Variants in PAPSS2 observed in about 807,000 individuals in gnomAD.
PAPSS2 encodes 3'-phosphoadenosine 5'-phosphosulfate synthase 2.
A neutral mutation model predicts 66.5 loss-of-function variants in PAPSS2; 61 were observed. The ratio of observed to expected loss-of-function variants is 0.92; its 90% CI spans 0.75 to 1.14. The LOEUF (loss-of-function observed/expected upper bound fraction) is 1.14, where lower values mean the gene tolerates loss of function less well. Ranked by LOEUF, PAPSS2 falls within the 50% of genes most tolerant of loss-of-function variation. The pLI is 0.00. For synonymous variants in PAPSS2, 289 were observed against 287.5 expected, an observed-to-expected ratio of 1.01 and a Z score of -0.05; for missense variants, 708 against 789.6, an observed-to-expected ratio of 0.90 and a Z score of 1.24.
At chr10:87,736,138 A>G (rs1257400791) in intron 9 of PAPSS2, among the ~76,000 whole-genome samples, 2 of 152,154 alleles carry the variant, frequency 1.3e-5, no homozygotes, top group Non-Finnish European at 2.9e-5. Context: ...GATTGGCTGT[A>G]AGTATTTGTG....
At chr10:87,685,636 A>G (rs1334481501) in intron 1 of PAPSS2, among the ~76,000 whole-genome samples, 1 of 152,190 alleles carries the variant, frequency 6.6e-6, no homozygotes, top group Non-Finnish European at 1.5e-5. Flanking sequence ...GTGAGCCACA[A>G]TTGTACCACT....
chr10:87,736,061 T>C (rs1853794833), intron 9 of PAPSS2, among the ~76,000 whole-genome samples: 2 of 152,142 alleles, frequency 1.3e-5, no homozygotes, highest in Non-Finnish European at 2.9e-5. Context: ...TGGAAAGTGG[T>C]GAAAGGTACT....
chr10:87,738,145 C>T (rs1387407507), intron 9 of PAPSS2, among the ~76,000 whole-genome samples: 2 of 152,240 alleles, frequency 1.3e-5, no homozygotes, highest in Admixed American at 6.5e-5. Context: ...GGGTTGCTTC[C>T]ACCTCTTGGC....
Position 87,743,583 on chromosome 10 carries a change from C to G in PAPSS2, c.1433C>G (p.Pro478Arg). The G allele has an allele frequency of 6.2e-7, 1 of 1,614,146 alleles. No homozygotes were observed. Among genetic ancestry groups the G allele is most frequent in the Non-Finnish European group, 8.5e-7 (1 of 1,180,016 alleles). ...AAVLEEGVLD[P>R]KSTIVAIFPS... is the part of the protein sequence containing the mutation. ...GTGCTCGAGGAAGGGGTCCTGGATC[C>G]CAAGTCAACCATTGTTGCCATCTTT... The change falls in exon 11 of 13, where the codon CCC becomes CGC. Residue 478 changes from proline (P) to arginine (R), a missense_variant. Pro to Arg is a moderately radical substitution (Grantham distance 103). Transcript: ENST00000456849.
chr10:87,666,714 C>T (rs1440520831), intron 1 of PAPSS2, among the ~76,000 whole-genome samples: 2 of 151,868 alleles, frequency 1.3e-5, no homozygotes, highest in African/African-American at 2.4e-5. Context: ...ACCCTGAGGC[C>T]GTTTTGTTGC....
At chr10:87,705,212 A>G (rs1853368023) in intron 1 of PAPSS2, among the ~76,000 whole-genome samples, 1 of 152,204 alleles carries the variant, frequency 6.6e-6, no homozygotes, top group African/African-American at 2.4e-5. Context: ...TCTTTGACTC[A>G]GCCTAATGTT....
At chr10:87,725,673 G>A (rs749693550) in intron 8 of PAPSS2, among the ~76,000 whole-genome samples, 1 of 152,050 alleles carries the variant, frequency 6.6e-6, no homozygotes, top group Non-Finnish European at 1.5e-5. Context: ...AGGACTGCTC[G>A]TTTGGGATCC....
At chr10:87,689,773 T>C (rs1853146517) in intron 1 of PAPSS2, among the ~76,000 whole-genome samples, 2 of 148,228 alleles carry the variant, frequency 1.3e-5, no homozygotes. Context: ...GAACAAGGGG[T>C]AAAGAGTATG....
intron 8 of PAPSS2, among the ~76,000 whole-genome samples, chr10:87,722,383 T>C (rs1461560726): frequency 6.6e-6 from 1 of 152,214 alleles, no homozygotes; most frequent in Non-Finnish European, 1.5e-5. Flanking sequence ...TTGGTGTTGC[T>C]TTCATCATTG....
At chr10:87,701,010 A>G (rs113759798) in intron 1 of PAPSS2, among the ~76,000 whole-genome samples, 4 of 151,934 alleles carry the variant, frequency 2.6e-5, no homozygotes, top group African/African-American at 9.6e-5. Context: ...ATGTATGATT[A>G]ATGATCAAAT....
chr10:87,677,611 A>G (rs1414688189), intron 1 of PAPSS2, among the ~76,000 whole-genome samples: 2 of 152,260 alleles, frequency 1.3e-5, no homozygotes, highest in Non-Finnish European at 2.9e-5. Flanking sequence ...AACATGGAGA[A>G]TTAAGACAAT....
intron 1 of PAPSS2, among the ~76,000 whole-genome samples, chr10:87,688,589 A>T (rs1404352238): frequency 6.6e-6 from 1 of 151,682 alleles, no homozygotes; most frequent in Non-Finnish European, 1.5e-5. Flanking sequence ...CCTCCCCAGT[A>T]GCTGGGACTA....
intron 8 of PAPSS2, among the ~76,000 whole-genome samples, chr10:87,726,480 G>C (rs949059639): frequency 3.3e-5 from 5 of 152,126 alleles, no homozygotes; most frequent in Non-Finnish European, 7.4e-5. Flanking sequence ...ATAACTAAGA[G>C]GATAATTGGA....
rs1312782158 is a variant in PAPSS2, at chr10:87,714,195, G to A, written c.520+13G>A. On this transcript the variant is annotated intron_variant, in intron 4 of 12. Transcript: ENST00000456849. ...GGGGAGATTAAAGGTAAGAGAATTGGCTAGTAGCGTCTACCAGTTACATAG... is the reference window on the plus strand; with the variant it reads ...GGGGAGATTAAAGGTAAGAGAATTGACTAGTAGCGTCTACCAGTTACATAG... The A allele has an allele frequency of 1.2e-6, 2 of 1,611,448 alleles. No homozygotes were observed. Among genetic ancestry groups the A allele is most frequent in the East Asian group, 2.2e-5 (1 of 44,866 alleles).
chr10:87,692,376 C>A (rs1437620537), intron 1 of PAPSS2, among the ~76,000 whole-genome samples: 1 of 152,052 alleles, frequency 6.6e-6, no homozygotes, highest in East Asian at 1.9e-4. Context: ...GTACAAATCA[C>A]TGAGGGGTGT....
At chr10:87,679,066 G>T (rs1011509453) in intron 1 of PAPSS2, among the ~76,000 whole-genome samples, 27 of 152,166 alleles carry the variant, frequency 1.8e-4, no homozygotes, top group Admixed American at 9.8e-4. Flanking sequence ...AGAAAATGTG[G>T]TATATGTTTA....
chr10:87,677,738 C>T (rs146496273), intron 1 of PAPSS2, among the ~76,000 whole-genome samples: 3 of 152,254 alleles, frequency 2.0e-5, no homozygotes, highest in Non-Finnish European at 2.9e-5. Context: ...GAAAGCTACC[C>T]ACTATCTCTT....
chr10:87,736,263 C>CTTTTTTTTTTTTTTTTTTTTTT (rs10553485), intron 9 of PAPSS2, among the ~76,000 whole-genome samples: 6 of 103,218 alleles, frequency 5.8e-5, no homozygotes, highest in Non-Finnish European at 9.7e-5. Context: ...TTCTTTCTTT[C>CTTTTTTTTTTTTTTTTTTTTTT]TTTTTTTTTT....
At chr10:87,679,650 A>G (rs1852993211) in intron 1 of PAPSS2, among the ~76,000 whole-genome samples, 1 of 152,194 alleles carries the variant, frequency 6.6e-6, no homozygotes, top group Non-Finnish European at 1.5e-5. Flanking sequence ...AGACAAGCGA[A>G]AACCTAGGGG....
Sources: allele counts gnomAD v4.1 joint callset (sites outside exome capture counted in the v4.1 genomes callset), GRCh38; gene constraint gnomAD v4.1.1; transcripts MANE v1.5; gene names NCBI Gene and HGNC (gene_info 2026-07-23, HGNC 2026-07-21).